The following DLST variants were observed in gnomAD, a reference collection of about 807,000 sequenced individuals.
The protein encoded by DLST is dihydrolipoamide S-succinyltransferase, also known as dihydrolipoyllysine-residue succinyltransferase component of 2-oxoglutarate dehydrogenase complex, mitochondrial.
Under a neutral mutation model 53.1 loss-of-function variants are expected in DLST, and 17 were observed. That is an observed-to-expected ratio of 0.32 (90% CI 0.22 to 0.48). The LOEUF (loss-of-function observed/expected upper bound fraction) is 0.48, where lower values mean the gene tolerates loss of function less well. Ranked by LOEUF, DLST falls within the 20% of genes least tolerant of loss-of-function variation. DLST has a pLI of 0.99. For synonymous variants in DLST, 206 were observed against 204.8 expected, an observed-to-expected ratio of 1.01 and a Z score of -0.05; for missense variants, 512 against 583.9, an observed-to-expected ratio of 0.88 and a Z score of 1.27.
intron 13 of DLST, 151 bp from the exon 14 acceptor site, chr14:74,900,915 G>C: frequency 2.8e-6 from 2 of 716,196 alleles, no homozygotes; most frequent in Non-Finnish European, 2.3e-6. Context: ...TATACAGATG[G>C]GGGTCTCACT....
intron 2 of DLST, among the ~76,000 whole-genome samples, chr14:74,883,534 A>T (rs1883604265): frequency 6.6e-6 from 1 of 151,496 alleles, no homozygotes; most frequent in Non-Finnish European, 1.5e-5. Flanking sequence ...AGTTAAAAAG[A>T]AAAAAGTGTC....
At chr14:74,882,983 T>C (rs1035031448) in intron 2 of DLST, among the ~76,000 whole-genome samples, 7 of 152,212 alleles carry the variant, frequency 4.6e-5, no homozygotes, top group Non-Finnish European at 8.8e-5. Context: ...AGAGCCCTTT[T>C]TGAGGAGGTG....
chr14:74,892,863 G>A lies in DLST; in HGVS notation c.472G>A (p.Ala158Thr). 1.1e-5 allele frequency: 18 copies of A among 1,613,726 alleles called. No individual in the cohort carries two copies. Among genetic ancestry groups the A allele is most frequent in the Non-Finnish European group, 1.5e-5 (18 of 1,179,886 alleles). ...AAPAKAKPAE[A>T]PAAAAPKAEP... ...TCCTGCTAAGGCCAAGCCGGCTGAA[G>A]CTCCTGCTGCTGCAGCCCCAAAAGC... is the stretch of plus-strand genomic sequence containing the variant. The change falls in exon 8 of 15, where the codon GCT becomes ACT. Residue 158 changes from alanine to threonine, a missense_variant. By Grantham distance (58) the Ala-to-Thr change is moderately conservative. Transcript: ENST00000334220.
chr14:74,891,232 A>T, intron 7 of DLST, 65 bp downstream of exon 7: 1 of 1,608,268 alleles, frequency 6.2e-7, no homozygotes, highest in Non-Finnish European at 8.5e-7. Context: ...ACTGAGCATA[A>T]TGTGCTAATT....
At position 74,902,628 on chromosome 14, in the gene DLST, A is replaced by G; in HGVS notation, c.*298A>G. The stretch of plus-strand genomic sequence containing the variant: ...GCCTTTCTTCCATCAGCTCTCTGCA[A>G]AGATGATTTTGCTTTTCCCTAGTGC... On this transcript the variant is annotated 3_prime_UTR_variant, in exon 15 of 15. Transcript: ENST00000334220. The G allele has an allele frequency of 4.2e-6, 1 of 240,788 alleles. No homozygotes were observed. The highest frequency in any genetic ancestry group is 8.2e-5 in the East Asian group (1 of 12,256). 14.9% of individuals were successfully genotyped at this position (240,788 alleles called of 1,614,324 possible).
At position 74,899,544 on chromosome 14, in the gene DLST, C is replaced by G. The variant is rs535409064; in HGVS notation, c.902-379C>G. 5.3e-5 allele frequency among the ~76,000 whole-genome samples: 8 copies of G among 152,202 alleles called. No individual in the cohort carries two copies. In the South Asian group the frequency reaches 1.7e-3, roughly 32 times the overall value. On this transcript the variant is annotated intron_variant, in intron 11 of 14. Transcript: ENST00000334220. ...TGGGTAGTATCTCTATATCCCTTTT[C>G]CTTTGCTAATTTGCCCTTTTTTGGA... is the stretch of plus-strand genomic sequence containing the variant.
intron 6 of DLST, 130 bp from the exon 7 acceptor site, chr14:74,890,926 C>T (rs1425496118): frequency 1.6e-6 from 2 of 1,272,280 alleles, no homozygotes; most frequent in East Asian, 5.3e-5. Context: ...GATCCGCCTG[C>T]CTTGGCATCC....
chr14:74,890,626 T>C (rs1329483350), intron 6 of DLST, among the ~76,000 whole-genome samples: 2 of 152,242 alleles, frequency 1.3e-5, no homozygotes, highest in Admixed American at 1.3e-4. Context: ...TGACTTGTTA[T>C]CACCCTTGCT....
Position 74,902,338 on chromosome 14 carries a change from C to T in DLST, c.*8C>T, listed in dbSNP as rs990389307. The T allele has an allele frequency of 6.8e-6, 11 of 1,607,308 alleles. No individual in the cohort carries two copies. Among genetic ancestry groups the T allele is most frequent in the South Asian group, 1.1e-5 (1 of 90,614 alleles). ...CTCCTCCTGGATCTTTAGGAGGAAC[C>T]CACACACCCTACAAGTTGATCATGC... On this transcript the variant is annotated 3_prime_UTR_variant, in exon 15 of 15. Coordinates refer to ENST00000334220, the MANE Select transcript of DLST (RefSeq NM_001933.5).
At chr14:74,890,285 G>A (rs901631400) in intron 6 of DLST, among the ~76,000 whole-genome samples, 24 of 151,914 alleles carry the variant, frequency 1.6e-4, no homozygotes, top group Non-Finnish European at 7.4e-5. Context: ...ATGCCACAAC[G>A]CCGGGCTAAT....
At chr14:74,900,891 ATTC>A (rs138664705) in intron 13 of DLST, among the ~76,000 whole-genome samples, 172 bp from the exon 14 acceptor site, 17,408 of 151,998 alleles carry the variant, frequency 0.11, 1,344 homozygotes, top group South Asian at 0.29. Flanking sequence ...TGCCTGGCTA[ATTC>A]TTAAGTTTTT....
chr14:74,897,073 A>G (rs1012800025), intron 10 of DLST, among the ~76,000 whole-genome samples: 1 of 152,180 alleles, frequency 6.6e-6, no homozygotes, highest in Non-Finnish European at 1.5e-5. Context: ...TGACCAGACA[A>G]TAACATTTGG....
chr14:74,887,695 C>G (rs10141310), intron 3 of DLST, among the ~76,000 whole-genome samples: 12,074 of 152,226 alleles, frequency 0.079, 594 homozygotes, highest in African/African-American at 0.13. Flanking sequence ...GCCACCACTC[C>G]GGGTTCCTGG....
chr14:74,885,781 G>T (rs1157219332), intron 3 of DLST, 147 bp downstream of exon 3: 2 of 711,088 alleles, frequency 2.8e-6, no homozygotes, highest in Non-Finnish European at 4.7e-6. Flanking sequence ...TAACCTCAAT[G>T]TTCACTTTTC....
chr14:74,890,783 G>C (rs921459264), intron 6 of DLST, among the ~76,000 whole-genome samples: 1 of 152,024 alleles, frequency 6.6e-6, no homozygotes, highest in Non-Finnish European at 1.5e-5. Flanking sequence ...CACGATATCG[G>C]CTCCACCTGC....
chr14:74,901,582 T>C (rs1319343376), intron 14 of DLST, among the ~76,000 whole-genome samples: 2 of 152,196 alleles, frequency 1.3e-5, no homozygotes, highest in Non-Finnish European at 2.9e-5. Context: ...AGATGACAAT[T>C]ATGCATGTCA....
At chr14:74,884,217 A>G (rs1883627161) in intron 2 of DLST, among the ~76,000 whole-genome samples, 1 of 152,238 alleles carries the variant, frequency 6.6e-6, no homozygotes, top group African/African-American at 2.4e-5. Context: ...TCTGGCAGGA[A>G]AGATAGAGTG....
At chr14:74,894,844 G>A (rs557796805) in intron 10 of DLST, among the ~76,000 whole-genome samples, 1 of 152,156 alleles carries the variant, frequency 6.6e-6, no homozygotes, top group African/African-American at 2.4e-5. Context: ...ACCGCGCCTG[G>A]CCTGTTTATT....
chr14:74,898,764 A>G (rs1235174905), intron 11 of DLST, among the ~76,000 whole-genome samples: 3 of 152,192 alleles, frequency 2.0e-5, no homozygotes, highest in Non-Finnish European at 2.9e-5. Flanking sequence ...GGGATAGCCC[A>G]GCTCTCCAGG....
Sources: gnomAD v4.1 joint callset for allele counts (sites outside exome capture counted in the v4.1 genomes callset) on GRCh38, gnomAD v4.1.1 for gene constraint, MANE v1.5 for transcripts, NCBI Gene and HGNC (gene_info 2026-07-23, HGNC 2026-07-21) for gene names.